The following SUPT20H variants were observed in gnomAD, a reference collection of about 807,000 sequenced individuals.
SUPT20H encodes SPT20 homolog, SAGA complex component.
Under a neutral mutation model 122.8 loss-of-function variants are expected in SUPT20H, and 82 were observed. The observed-to-expected ratio is 0.67, with a 90% CI of 0.56 to 0.80. The LOEUF (loss-of-function observed/expected upper bound fraction) is 0.80. SUPT20H is among the 30% of genes least tolerant of loss of function. The probability of loss-of-function intolerance (pLI) is 0.00; values close to 1 mark genes in which losing one functional copy is unlikely to be tolerated. For missense variants in SUPT20H, 831 were observed against 921.6 expected, an observed-to-expected ratio of 0.90 and a Z score of 1.27; for synonymous variants, 291 against 313.0, an observed-to-expected ratio of 0.93 and a Z score of 0.74.
chr13:37,040,434 T>C lies in SUPT20H; in HGVS notation c.538A>G (p.Ile180Val), dbSNP rs1249584388. 2 of 1,581,090 alleles carry C rather than the reference T, an allele frequency of 1.3e-6. No homozygotes were observed. The highest frequency in any genetic ancestry group is 1.7e-6 in the Non-Finnish European group (2 of 1,170,794). ...GTCCATTTGTGGTTATCACTTGTTA[T>C]TGAATGTACATCACAAATTAAAGTC... ...MQTLICDVHS[I>V]TSDNHKWTQE... Residue 180 changes from isoleucine to valine, a missense_variant, in exon 9 of 26, where the codon ATA becomes GTA. By Grantham distance (29) the Ile-to-Val change is conservative. Coordinates refer to ENST00000350612, the MANE Select transcript of SUPT20H (RefSeq NM_001014286.3).
rs760292697 is a variant in SUPT20H at position 37,045,376 on chromosome 13, G to C, written c.166-3C>G. 6.2e-7 allele frequency: 1 copy of C among 1,612,494 alleles called. No individual in the cohort carries two copies. On this transcript the variant is annotated splice_polypyrimidine_tract_variant and splice_region_variant and intron_variant, in intron 5 of 25. Transcript: ENST00000350612. ...AAGTTCACATTTCTTCTTAATTTCT[G>C]CTTTAAAAAGAGGCAGAGCTCATGA...
chr13:37,028,889 C>T (rs2062791208), intron 13 of SUPT20H, among the ~76,000 whole-genome samples: 1 of 150,862 alleles, frequency 6.6e-6, no homozygotes, highest in South Asian at 2.1e-4. Flanking sequence ...GTTTAAATGG[C>T]ATGTTTAATC....
chr13:37,048,710 T>C lies in SUPT20H; in HGVS notation c.4-111A>G. The C allele has an allele frequency of 4.4e-6, 4 of 901,752 alleles. No individual in the cohort carries two copies. In the South Asian group the frequency reaches 5.9e-5, roughly 13 times the overall value. The allele number at this position is 901,752 out of a possible 1,614,324, so 55.9% of individuals were successfully genotyped here. On this transcript the variant is annotated intron_variant, in intron 2 of 25. Transcript: ENST00000350612. ...AAAACAGGTCTAATATATTTTCCTT[T>C]ATTTGTCTCCTCCACTCCACTCTAT...
At chr13:37,036,796 C>T (rs7339296) in intron 9 of SUPT20H, among the ~76,000 whole-genome samples, 141,110 of 152,200 alleles carry the variant, frequency 0.93, 65,517 homozygotes, top group East Asian at 1. Context: ...GATATACTTA[C>T]TGAATAGTAA....
intron 22 of SUPT20H, 136 bp downstream of exon 22, chr13:37,019,206 T>C (rs2061054105): frequency 1.7e-6 from 1 of 578,764 alleles, no homozygotes; most frequent in East Asian, 3.0e-5. Flanking sequence ...CATACAAAGG[T>C]AGCAATAATA....
chr13:37,032,373 G>T (rs2063517623), intron 10 of SUPT20H, among the ~76,000 whole-genome samples: 1 of 152,152 alleles, frequency 6.6e-6, no homozygotes, highest in South Asian at 2.1e-4. Flanking sequence ...GACTCCGGAA[G>T]TTGCCACCTC....
At chr13:37,017,753 C>T (rs751086704) in intron 22 of SUPT20H, among the ~76,000 whole-genome samples, 3 of 152,150 alleles carry the variant, frequency 2.0e-5, no homozygotes, top group Non-Finnish European at 4.4e-5. Flanking sequence ...AGCCACCCCT[C>T]ATAAATTTGT....
intron 25 of SUPT20H, among the ~76,000 whole-genome samples, chr13:37,010,016 A>C (rs1262727866): frequency 3.3e-5 from 5 of 152,326 alleles, no homozygotes; most frequent in Middle Eastern, 3.4e-3. Flanking sequence ...GATTCTTGGC[A>C]AACTTCAAAA....
At chr13:37,052,703 G>C (rs1034438379) in intron 1 of SUPT20H, among the ~76,000 whole-genome samples, 3 of 152,286 alleles carry the variant, frequency 2.0e-5, no homozygotes, top group African/African-American at 7.2e-5. Flanking sequence ...AAACTAAAGA[G>C]CTTCTGCTCA....
intron 9 of SUPT20H, among the ~76,000 whole-genome samples, chr13:37,034,906 T>G (rs1423769830): frequency 6.6e-6 from 1 of 152,174 alleles, no homozygotes; most frequent in Non-Finnish European, 1.5e-5. Context: ...GCTCTATAAA[T>G]GAAACAACAA....
In SUPT20H at chr13:37,028,277, C is replaced by T; in HGVS notation, c.1022G>A (p.Cys341Tyr). The change falls in exon 14 of 26, where the codon TGT (cysteine) becomes TAT (tyrosine). Residue 341 changes from cysteine (C) to tyrosine (Y), a missense_variant. Coordinates refer to ENST00000350612, the MANE Select transcript of SUPT20H (RefSeq NM_001014286.3). ...HDVKDDYVFE[C>Y]EAGTQYQKTK... ...TTTCTGATACTGAGTACCAGCTTCA[C>T]ATTCAAATACATAATCATCTTTTAC... The T allele has an allele frequency of 3.1e-6, 5 of 1,611,244 alleles. No homozygotes were observed. The highest frequency in any genetic ancestry group is 4.2e-6 in the Non-Finnish European group (5 of 1,179,160).
At chr13:37,024,609 A>G (rs1594074686) in intron 17 of SUPT20H, 167 bp from the exon 18 acceptor site, 1 of 412,470 alleles carries the variant, frequency 2.4e-6, no homozygotes, top group Non-Finnish European at 4.2e-6. Context: ...TGAATACTAT[A>G]TGTATTACAG....
intron 9 of SUPT20H, among the ~76,000 whole-genome samples, chr13:37,037,090 A>T (rs1356549682): frequency 2.0e-5 from 3 of 151,576 alleles, no homozygotes; most frequent in Non-Finnish European, 2.9e-5. Context: ...CCAGCTACTC[A>T]GGAGGCCGAG....
At chr13:37,046,261 T>C (rs2066403120) in intron 5 of SUPT20H, among the ~76,000 whole-genome samples, 1 of 152,150 alleles carries the variant, frequency 6.6e-6, no homozygotes, top group South Asian at 2.1e-4. Context: ...GATGTTAAAC[T>C]AGTAAAGAGA....
intron 12 of SUPT20H, 94 bp downstream of exon 12, chr13:37,031,473 G>C (rs1322599125): frequency 2.6e-6 from 2 of 775,656 alleles, no homozygotes; most frequent in Non-Finnish European, 3.9e-6. Flanking sequence ...TGTTTTTAAA[G>C]TAAGTTTTTT....
chr13:37,047,685 T>C (rs1168708915), intron 4 of SUPT20H, 84 bp from the exon 5 acceptor site: 2 of 1,265,280 alleles, frequency 1.6e-6, no homozygotes, highest in Admixed American at 3.6e-5. Flanking sequence ...TTTTCCTAAA[T>C]TTTCACATTT....
At chr13:37,010,448 A>T in intron 25 of SUPT20H, 104 bp downstream of exon 25, 2 of 1,001,808 alleles carry the variant, frequency 2.0e-6, no homozygotes, top group Non-Finnish European at 3.0e-6. Context: ...CAATTACTGT[A>T]CAGTCTTAAA....
In SUPT20H at chr13:37,009,569, A is replaced by G. The variant is rs929611937; in HGVS notation, c.*103T>C. The G allele has an allele frequency of 1.5e-6, 2 of 1,325,238 alleles. No individual in the cohort carries two copies. The highest frequency in any genetic ancestry group is 1.7e-5 in the Admixed American group (1 of 57,444). The allele number at this position is 1,325,238 out of a possible 1,614,324, so 82.1% of individuals were successfully genotyped here. ...CTGTATAAAGTTTGTACATCTAGCAATGTAAAATACTGACACATTAAAAAA... is the reference window on the plus strand; with the variant it reads ...CTGTATAAAGTTTGTACATCTAGCAGTGTAAAATACTGACACATTAAAAAA... On this transcript the variant is annotated 3_prime_UTR_variant, in exon 26 of 26. Transcript: ENST00000350612.
At chr13:37,055,305 G>C (rs1566382054) in intron 1 of SUPT20H, among the ~76,000 whole-genome samples, 1 of 104,976 alleles carries the variant, frequency 9.5e-6, no homozygotes, top group Non-Finnish European at 2.1e-5. Context: ...AGCCCACATT[G>C]CCAAGTCAAT....
Sources: gnomAD v4.1 joint callset for allele counts (sites outside exome capture counted in the v4.1 genomes callset) on GRCh38, gnomAD v4.1.1 for gene constraint, MANE v1.5 for transcripts, NCBI Gene and HGNC (gene_info 2026-07-23, HGNC 2026-07-21) for gene names.